The following PPRC1 variants were observed in gnomAD, a reference collection of about 807,000 sequenced individuals.
PPRC1 encodes the protein peroxisome proliferator-activated receptor gamma coactivator-related protein 1.
In PPRC1, 23 loss-of-function variants were observed where a neutral mutation model predicts 132.5. That is an observed-to-expected ratio of 0.17 (90% CI 0.12 to 0.25). The LOEUF (loss-of-function observed/expected upper bound fraction) is 0.25. Ranked by LOEUF, PPRC1 falls within the 10% of genes least tolerant of loss-of-function variation. The probability of loss-of-function intolerance (pLI) is 1.00; values close to 1 mark genes in which losing one functional copy is unlikely to be tolerated. For synonymous variants in PPRC1, 872 were observed against 833.5 expected (o/e 1.05, Z -0.80); for missense variants, 2,006 against 2,089.1 (o/e 0.96, Z 0.78).
chr10:102,139,343 G>A lies in PPRC1; in HGVS notation c.835G>A (p.Ala279Thr). The A allele has an allele frequency of 6.2e-7, 1 of 1,614,194 alleles. No individual in the cohort carries two copies. The change falls in exon 5 of 14, where the codon GCC (alanine) becomes ACC (threonine). Residue 279 changes from alanine to threonine, a missense_variant. Around this residue, in one of 2 missense-constraint regions of PPRC1, gnomAD observed 1,914 missense variants for 1,917.2 expected, o/e 1.00. Coordinates refer to ENST00000278070, the MANE Select transcript of PPRC1 (RefSeq NM_015062.5). Reference sequence around the variant, plus strand: ...TATCCCGGACTTCCCCATGCATTTGGCCTGCCCTGAGGAGGAAGATAAAGC... The same window carrying A: ...TATCCCGGACTTCCCCATGCATTTGACCTGCCCTGAGGAGGAAGATAAAGC... ...SSIPDFPMHL[A>T]CPEEEDKATA...
At chr10:102,128,346 G>A (rs2068494160), upstream of PPRC1, among the ~76,000 whole-genome samples, 1 of 151,902 alleles carries the variant, frequency 6.6e-6, no homozygotes, top group Admixed American at 6.6e-5. Flanking sequence ...CACCATGTTG[G>A]CCAGAATGGT....
intron 8 of PPRC1, among the ~76,000 whole-genome samples, chr10:102,146,177 A>G (rs914921563): frequency 2.0e-5 from 3 of 152,216 alleles, no homozygotes; most frequent in African/African-American, 7.2e-5. Flanking sequence ...AGGTCAGATT[A>G]TTGGGACCTC....
At chr10:102,144,757 G>A in intron 7 of PPRC1, 1 of 522,618 alleles carries the variant, frequency 1.9e-6, no homozygotes. Flanking sequence ...GTGTGAGCTG[G>A]GCAGGTGAGA....
At chr10:102,144,438 C>T in intron 7 of PPRC1, 131 bp downstream of exon 7, 1 of 838,158 alleles carries the variant, frequency 1.2e-6, no homozygotes, top group Non-Finnish European at 1.9e-6. Context: ...CCCTGTTTCC[C>T]CACCCCTTAC....
In PPRC1 at chr10:102,140,556, C is replaced by T. The variant is rs772228352; in HGVS notation, c.2048C>T (p.Pro683Leu). 2 of 1,614,118 alleles carry T rather than the reference C, an allele frequency of 1.2e-6. No homozygotes were observed. The highest frequency in any genetic ancestry group is 1.7e-6 in the Non-Finnish European group (2 of 1,180,020). Reference protein sequence around the residue: ...PVPNDLTPVDPVLVKSRPTDP... With the variant: ...PVPNDLTPVDLVLVKSRPTDP... ...CCTAATGACCTGACTCCAGTTGACC[C>T]AGTGCTAGTTAAGTCCAGACCAACT... Residue 683 changes from proline to leucine, a missense_variant, in exon 5 of 14, where the codon CCA becomes CTA. Pro to Leu is a moderately conservative substitution (Grantham distance 98). Around this residue, in one of 2 missense-constraint regions of PPRC1, gnomAD observed 1,914 missense variants for 1,917.2 expected, o/e 1.00. Transcript: ENST00000278070.
At chr10:102,146,596 G>A (rs2069254863) in intron 8 of PPRC1, 76 bp from the exon 9 acceptor site, 10 of 1,496,958 alleles carry the variant, frequency 6.7e-6, no homozygotes, top group Middle Eastern at 2.5e-4. Context: ...GGGGTCTCTG[G>A]AGGCTATATA....
the PPRC1 span, among the ~76,000 whole-genome samples, chr10:102,123,933 C>G: frequency 4.6e-5 from 7 of 151,094 alleles, no homozygotes; most frequent in African/African-American, 1.7e-4. Context: ...CTCTGCCTCC[C>G]GGTTTCAAGT....
chr10:102,150,153 AGT>A lies in PPRC1; in HGVS notation c.*126_*127del. Reference sequence around the variant, plus strand: ...ACTGTTTTATAAAGAAATGGAAAAAAGTGAAATAAAAAATATGTTGAATCAGA... The same window carrying A: ...ACTGTTTTATAAAGAAATGGAAAAAAGAAATAAAAAATATGTTGAATCAGA... On this transcript the variant is annotated 3_prime_UTR_variant, in exon 14 of 14. Transcript: ENST00000278070. 1.5e-6 allele frequency: 1 copy of A among 681,280 alleles called. No homozygotes were observed. The highest frequency in any genetic ancestry group is 2.5e-6 in the Non-Finnish European group (1 of 399,316). The allele number at this position is 681,280 out of a possible 1,614,324, so 42.2% of individuals were successfully genotyped here.
chr10:102,121,009 C>G, the PPRC1 span, among the ~76,000 whole-genome samples: 26 of 152,296 alleles, frequency 1.7e-4, no homozygotes, highest in Non-Finnish European at 3.4e-4. Flanking sequence ...GTAGCAACCC[C>G]TCAACTCACC....
chr10:102,144,211 C>T (rs754623274), intron 6 of PPRC1, 39 bp from the exon 7 acceptor site: 2 of 1,604,132 alleles, frequency 1.2e-6, no homozygotes, highest in African/African-American at 2.7e-5. Context: ...CAGTCTAGAA[C>T]ATCTGGTTGG....
chr10:102,138,939 G>A lies in PPRC1; in HGVS notation c.550G>A (p.Asp184Asn). The change falls in exon 4 of 14, where the codon GAC becomes AAC. Residue 184 changes from aspartate to asparagine, a missense_variant. Physicochemically the swap from Asp to Asn is conservative, Grantham distance 23. Around this residue, in one of 2 missense-constraint regions of PPRC1, gnomAD observed 1,914 missense variants for 1,917.2 expected, o/e 1.00. Transcript: ENST00000278070. Reference protein sequence around the residue: ...PPERDLITPVDPLGPSTGSSR... With the variant: ...PPERDLITPVNPLGPSTGSSR... ...AGAACGTGACCTCATCACCCCAGTT[G>A]ACCCACTGGGGCCCAGTACAGGCAG... 6.2e-7 allele frequency: 1 copy of A among 1,614,142 alleles called. No individual in the cohort carries two copies. The highest frequency in any genetic ancestry group is 1.3e-5 in the African/African-American group (1 of 75,036).
In PPRC1 at chr10:102,139,167, C is replaced by A. The variant is rs2068840697; in HGVS notation, c.659C>A (p.Pro220His). The change falls in exon 5 of 14, where the codon CCC becomes CAC. Residue 220 changes from proline to histidine, a missense_variant. Physicochemically the swap from Pro to His is moderately conservative, Grantham distance 77. Transcript: ENST00000278070. ...CCCTCTTTCTTAGAGACCTCTTCCCCCAAGCTTCCTAGCTGGAGACCCCCA... is the reference window on the plus strand; with the variant it reads ...CCCTCTTTCTTAGAGACCTCTTCCCACAAGCTTCCTAGCTGGAGACCCCCA... Reference protein sequence around the residue: ...SPPSFLETSSPKLPSWRPPRS... With the variant: ...SPPSFLETSSHKLPSWRPPRS... 2 of 1,613,668 alleles carry A rather than the reference C, an allele frequency of 1.2e-6. No homozygotes were observed. The highest frequency in any genetic ancestry group is 4.5e-5 in the East Asian group (2 of 44,896).
At chr10:102,130,636 G>A (rs1018871155), upstream of PPRC1, among the ~76,000 whole-genome samples, 2 of 151,972 alleles carry the variant, frequency 1.3e-5, no homozygotes, top group Non-Finnish European at 2.9e-5. Flanking sequence ...TCAGGAGGCT[G>A]AGGCACAAGA....
At position 102,146,750 on chromosome 10, in the gene PPRC1, C is replaced by T. The variant is rs927676845; in HGVS notation, c.3758C>T (p.Ser1253Phe). The change falls in exon 9 of 14, where the codon TCT becomes TTT. Residue 1253 changes from serine (S) to phenylalanine (F), a missense_variant. By Grantham distance (155) the Ser-to-Phe change is radical. Around this residue, in one of 2 missense-constraint regions of PPRC1, gnomAD observed 1,914 missense variants for 1,917.2 expected, o/e 1.00. Coordinates refer to ENST00000278070, the MANE Select transcript of PPRC1 (RefSeq NM_015062.5). Reference sequence around the variant, plus strand: ...GTCTCACTGCTGGCCAAAGCCAAATCTCCTAAGTCCACCGCCCAGGAGGGA... The same window carrying T: ...GTCTCACTGCTGGCCAAAGCCAAATTTCCTAAGTCCACCGCCCAGGAGGGA... Reference protein sequence around the residue: ...AAVSLLAKAKSPKSTAQEGTL... With the variant: ...AAVSLLAKAKFPKSTAQEGTL... The T allele has an allele frequency of 1.2e-6, 2 of 1,613,856 alleles. No individual in the cohort carries two copies. Among genetic ancestry groups the T allele is most frequent in the Non-Finnish European group, 1.7e-6 (2 of 1,179,912 alleles).
At chr10:102,120,815 A>T in the PPRC1 span, among the ~76,000 whole-genome samples, 2 of 151,540 alleles carry the variant, frequency 1.3e-5, no homozygotes. Flanking sequence ...CGGCTGGGGG[A>T]GGCGGAGCCG....
At chr10:102,138,185 C>G (rs894378344) in intron 2 of PPRC1, 147 bp downstream of exon 2, 2 of 850,686 alleles carry the variant, frequency 2.4e-6, no homozygotes, top group Non-Finnish European at 3.6e-6. Flanking sequence ...TTTTTTGTCT[C>G]TAAGTGGGAA....
chr10:102,149,126 G>T, intron 12 of PPRC1, 52 bp from the exon 13 acceptor site: 1 of 1,538,268 alleles, frequency 6.5e-7, no homozygotes, highest in South Asian at 1.3e-5. Flanking sequence ...TCTCCTCTAT[G>T]GCATGGGCCC....
At chr10:102,125,955 C>G in the PPRC1 span, among the ~76,000 whole-genome samples, 1 of 151,470 alleles carries the variant, frequency 6.6e-6, no homozygotes, top group Non-Finnish European at 1.5e-5. Context: ...CTCCGCCTCC[C>G]GGGTTCAAGC....
chr10:102,124,390 G>C, the PPRC1 span, among the ~76,000 whole-genome samples: 1 of 151,292 alleles, frequency 6.6e-6, no homozygotes, highest in African/African-American at 2.4e-5. Context: ...TGTTGAGACA[G>C]TCTCACTCTG....
Sources: allele counts gnomAD v4.1 joint callset (sites outside exome capture counted in the v4.1 genomes callset), GRCh38; gene constraint gnomAD v4.1.1; regional missense constraint gnomAD v4.1.1; transcripts MANE v1.5; gene names NCBI Gene and HGNC (gene_info 2026-07-23, HGNC 2026-07-21).